The following EPRS1 variants were observed in gnomAD, a reference collection of about 807,000 sequenced individuals.
EPRS1 encodes the protein glutamyl-prolyl-tRNA synthetase 1, also known as bifunctional glutamate/proline--tRNA ligase.
In EPRS1, 107 loss-of-function variants were observed where a neutral mutation model predicts 188.3. That is an observed-to-expected ratio of 0.57 (90% CI 0.49 to 0.67). The LOEUF is 0.67. EPRS1 is among the 30% of genes least tolerant of loss of function. The pLI is 0.00. For synonymous variants in EPRS1, 596 were observed against 593.1 expected (o/e 1.00, Z -0.07); for missense variants, 1,577 against 1,802.2 (o/e 0.88, Z 2.26).
Position 220,040,257 on chromosome 1 carries a change from G to T in EPRS1, c.59C>A (p.Ala20Glu). 6.3e-7 allele frequency: 1 copy of T among 1,599,200 alleles called. No individual in the cohort carries two copies. The highest frequency in any genetic ancestry group is 1.1e-5 in the South Asian group (1 of 89,874). ...SGDPPLGALL[A>E]VEHVKDDVSI... Reference sequence around the variant, plus strand: ...GACATCGTCTTTCACGTGTTCTACTGCCAGCAAAGCTCCTATAAATAATAT... The same window carrying T: ...GACATCGTCTTTCACGTGTTCTACTTCCAGCAAAGCTCCTATAAATAATAT... The change falls in exon 2 of 32, where the codon GCA (alanine) becomes GAA (glutamate). Residue 20 changes from alanine to glutamate, a missense_variant. Coordinates refer to ENST00000366923, the MANE Select transcript of EPRS1 (RefSeq NM_004446.3).
chr1:219,988,348 T>C (rs1301639446), intron 19 of EPRS1, among the ~76,000 whole-genome samples: 1 of 152,068 alleles, frequency 6.6e-6, no homozygotes, highest in South Asian at 2.1e-4. Flanking sequence ...AATTTAACAA[T>C]TAAAATACAG....
chr1:219,989,081 T>C lies in EPRS1; in HGVS notation c.2542-258A>G, dbSNP rs1003464582. On this transcript the variant is annotated intron_variant, in intron 18 of 31. Transcript: ENST00000366923. ...TTTACTTAAGTAAACAGACAAATAA[T>C]AGAACATCTAAGTAAACTGTCAGTG... Among the ~76,000 whole-genome samples, 18 of 152,054 alleles carry C rather than the reference T, an allele frequency of 1.2e-4. No individual in the cohort carries two copies. The East Asian group carries it at 3.5e-3, about 29-fold the overall frequency.
Position 219,997,338 on chromosome 1 carries a change from G to A in EPRS1, c.2186C>T (p.Ser729Phe), listed in dbSNP as rs1661257186. ...TGTTGGTCTTTCCTTAAAAGGAGCA[G>A]AGGTCTACCAAGAGAGAAAACCAAA... ...TKVEATKNET[S>F]APFKERPTPS... Residue 729 changes from serine (S) to phenylalanine (F), a missense_variant, in exon 18 of 32, where the codon TCT (serine) becomes TTT (phenylalanine). Transcript: ENST00000366923. 2 of 1,583,210 alleles carry A rather than the reference G, an allele frequency of 1.3e-6. No homozygotes were observed. The highest frequency in any genetic ancestry group is 1.7e-6 in the Non-Finnish European group (2 of 1,168,430).
intron 12 of EPRS1, among the ~76,000 whole-genome samples, chr1:220,016,657 G>C (rs1290170556): frequency 7.7e-6 from 1 of 129,296 alleles, no homozygotes; most frequent in Non-Finnish European, 1.5e-5. Context: ...AGGCTCAGGC[G>C]ATCCTCCTAC....
chr1:220,007,022 G>A (rs1180461724), intron 14 of EPRS1, among the ~76,000 whole-genome samples, 180 bp downstream of exon 14: 3 of 152,150 alleles, frequency 2.0e-5, no homozygotes, highest in Non-Finnish European at 2.9e-5. Context: ...TAGCCTGTTA[G>A]TAAACTGAAA....
intron 18 of EPRS1, among the ~76,000 whole-genome samples, chr1:219,993,080 C>T (rs1169020137): frequency 1.3e-5 from 2 of 151,888 alleles, no homozygotes; most frequent in East Asian, 3.9e-4. Flanking sequence ...ATGAGCAATA[C>T]AAAAATTAGC....
intron 9 of EPRS1, among the ~76,000 whole-genome samples, chr1:220,020,512 C>T (rs1661849059): frequency 6.6e-6 from 1 of 151,880 alleles, no homozygotes; most frequent in African/African-American, 2.4e-5. Flanking sequence ...CTGTAATGGC[C>T]AATGTATAAC....
chr1:219,982,351 C>G (rs745954505), intron 23 of EPRS1, among the ~76,000 whole-genome samples: 8 of 152,056 alleles, frequency 5.3e-5, no homozygotes, highest in Non-Finnish European at 1.2e-4. Context: ...AAGAATAACA[C>G]GAGATGACGT....
At chr1:220,024,815 C>T (rs879867418) in intron 7 of EPRS1, among the ~76,000 whole-genome samples, 7 of 152,150 alleles carry the variant, frequency 4.6e-5, no homozygotes, top group African/African-American at 7.2e-5. Flanking sequence ...CCAATACCTA[C>T]TTAGTGTTTA....
chr1:220,031,489 A>G (rs1662082341), intron 5 of EPRS1, among the ~76,000 whole-genome samples: 1 of 152,244 alleles, frequency 6.6e-6, no homozygotes, highest in Non-Finnish European at 1.5e-5. Flanking sequence ...ATGAGAAGTC[A>G]TAACAGGACT....
intron 24 of EPRS1, 95 bp from the exon 25 acceptor site, chr1:219,980,952 T>A: frequency 1.3e-6 from 1 of 754,772 alleles, no homozygotes; most frequent in South Asian, 1.6e-5. Context: ...CAGGCTGGAG[T>A]GCAGTGGTGC....
At chr1:220,034,891 A>G (rs1319428248) in intron 3 of EPRS1, 23 bp downstream of exon 3, 1 of 1,331,762 alleles carries the variant, frequency 7.5e-7, no homozygotes, top group Non-Finnish European at 1.1e-6. Flanking sequence ...CAAAACACAC[A>G]CAACAAAATG....
At chr1:219,983,074 G>T in intron 22 of EPRS1, 115 bp downstream of exon 22, 1 of 873,270 alleles carries the variant, frequency 1.1e-6, no homozygotes, top group Non-Finnish European at 1.8e-6. Context: ...GGTAGAAACA[G>T]AACTTTTTAA....
chr1:219,991,080 AC>A (rs1235727953), intron 18 of EPRS1, among the ~76,000 whole-genome samples: 1 of 152,168 alleles, frequency 6.6e-6, no homozygotes, highest in Non-Finnish European at 1.5e-5. Flanking sequence ...TAATGTTATG[AC>A]TAAAAACTGG....
chr1:220,037,534 T>C (rs1268424735), intron 2 of EPRS1, among the ~76,000 whole-genome samples: 1 of 141,384 alleles, frequency 7.1e-6, no homozygotes, highest in Non-Finnish European at 1.5e-5. Flanking sequence ...AATAGAAAGA[T>C]GGAAAATGGA....
intron 5 of EPRS1, among the ~76,000 whole-genome samples, chr1:220,031,210 G>A (rs1297298970): frequency 6.6e-6 from 1 of 152,142 alleles, no homozygotes; most frequent in Admixed American, 6.5e-5. Flanking sequence ...ATGCATATTG[G>A]GTGGGTAGGG....
chr1:220,018,140 C>T, intron 12 of EPRS1: 6 of 1,351,254 alleles, frequency 4.4e-6, no homozygotes, highest in Non-Finnish European at 5.8e-6. Context: ...TTACAGAGAG[C>T]TCGCAGCTTG....
chr1:220,029,524 T>C (rs1248637404), intron 6 of EPRS1, among the ~76,000 whole-genome samples: 1 of 152,218 alleles, frequency 6.6e-6, no homozygotes, highest in East Asian at 1.9e-4. Flanking sequence ...CTGTGTACTA[T>C]AGAAAGGTGA....
chr1:220,044,002 T>A (rs1662350587), intron 1 of EPRS1, among the ~76,000 whole-genome samples: 1 of 152,096 alleles, frequency 6.6e-6, no homozygotes, highest in Admixed American at 6.6e-5. Context: ...GGTGCTTGTG[T>A]GAGATCACCT....
Sources: allele counts gnomAD v4.1 joint callset (sites outside exome capture counted in the v4.1 genomes callset), GRCh38; gene constraint gnomAD v4.1.1; transcripts MANE v1.5; gene names NCBI Gene and HGNC (gene_info 2026-07-23, HGNC 2026-07-21).